NFATC1: variants seen among roughly 807,000 people sequenced by gnomAD.
NFATC1 encodes the protein nuclear factor of activated T-cells, cytoplasmic 1.
NFATC1 carries 22 observed loss-of-function variants against 76.0 expected under a neutral mutation model. That is an observed-to-expected ratio of 0.29 (90% CI 0.21 to 0.41). NFATC1 has a LOEUF of 0.41. Ranked by LOEUF, NFATC1 falls within the 10% of genes least tolerant of loss-of-function variation. The pLI, the probability that NFATC1 is intolerant of heterozygous loss-of-function variation, is 1.00. For synonymous variants in NFATC1, 704 were observed against 613.1 expected, an observed-to-expected ratio of 1.15 and a Z score of -2.19; for missense variants, 1,357 against 1,337.7, an observed-to-expected ratio of 1.01 and a Z score of -0.23.
intron 8 of NFATC1, among the ~76,000 whole-genome samples, chr18:79,475,013 TAAACC>T: frequency 7.3e-6 from 1 of 136,766 alleles, no homozygotes; most frequent in African/African-American, 3.0e-5. Context: ...GCTGTCGACG[TAAACC>T]TGAGGGAAGC....
intron 8 of NFATC1, among the ~76,000 whole-genome samples, chr18:79,479,886 C>T (rs1003783947): frequency 6.6e-6 from 1 of 152,242 alleles, no homozygotes; most frequent in Admixed American, 6.5e-5. Flanking sequence ...CTCAGAGCAG[C>T]TGGGATGGCA....
chr18:79,495,596 C>T (rs777971673), intron 9 of NFATC1, among the ~76,000 whole-genome samples: 10 of 152,338 alleles, frequency 6.6e-5, no homozygotes, highest in East Asian at 5.8e-4. Flanking sequence ...AGAGCTTGGG[C>T]AATGAGCACT....
Position 79,528,182 on chromosome 18 carries a change from C to T in NFATC1, c.*605C>T, listed in dbSNP as rs1482994952. The T allele has an allele frequency of 5.3e-6, 2 of 374,132 alleles. No individual in the cohort carries two copies. Among genetic ancestry groups the T allele is most frequent in the African/African-American group, 4.2e-5 (2 of 48,156 alleles). 23.2% of individuals were successfully genotyped at this position (374,132 alleles called of 1,614,324 possible). A position where few individuals can be genotyped will look rare whatever the true frequency, so the allele number is the denominator to read the frequency against. ...ATTTTAGAATCTTCCAGTCTGTCATCTCAGCTCTTTTGTAACATGCTTCCC... is the reference window on the plus strand; with the variant it reads ...ATTTTAGAATCTTCCAGTCTGTCATTTCAGCTCTTTTGTAACATGCTTCCC... On this transcript the variant is annotated 3_prime_UTR_variant, in exon 10 of 10. Transcript: ENST00000427363.
chr18:79,444,239 C>T (rs1283781156), intron 3 of NFATC1, among the ~76,000 whole-genome samples: 2 of 152,112 alleles, frequency 1.3e-5, no homozygotes, highest in African/African-American at 2.4e-5. Flanking sequence ...GGGGTGTGCA[C>T]ATTTCCCAGT....
intron 8 of NFATC1, among the ~76,000 whole-genome samples, chr18:79,484,090 G>A (rs755906400): frequency 2.6e-5 from 4 of 151,334 alleles, no homozygotes; most frequent in East Asian, 1.9e-4. Flanking sequence ...TGACCTCGGC[G>A]GCACTTGCAG....
rs746544878 is a variant in NFATC1, at chr18:79,486,268, C to G, written c.2113C>G (p.Pro705Ala). Residue 705 changes from proline (P) to alanine (A), a missense_variant, in exon 9 of 10, where the codon CCC (proline) becomes GCC (alanine). Coordinates refer to ENST00000427363, the MANE Select transcript of NFATC1 (RefSeq NM_001278669.2). ...PANVPIIKTE[P>A]TDDYEPAPTC... is the part of the protein sequence containing the mutation. ...CACAGTTCCAATTATAAAAACAGAACCCACTGATGATTATGAGCCTGCTCC... is the reference window on the plus strand; with the variant it reads ...CACAGTTCCAATTATAAAAACAGAAGCCACTGATGATTATGAGCCTGCTCC... 2 of 1,607,606 alleles carry G rather than the reference C, an allele frequency of 1.2e-6. No homozygotes were observed. The highest frequency in any genetic ancestry group is 1.7e-6 in the Non-Finnish European group (2 of 1,175,840).
rs1248663180 is a variant in NFATC1 at position 79,400,876 on chromosome 18, C to T, written c.127+4525C>T. 1.4e-3 allele frequency among the ~76,000 whole-genome samples: 2 copies of T among 1,468 alleles called. 1 individual carries two copies. Among genetic ancestry groups the T allele is most frequent in the Non-Finnish European group, 2.4e-3 (2 of 844 alleles). 1.0% of individuals were successfully genotyped at this position (1,468 alleles called of 152,430 possible). The stretch of plus-strand genomic sequence containing the variant: ...CCCGACCTCCGCCTCAGCCATCCTC[C>T]TCCCTCCCCCCAGCCACCCTCCCCC... On this transcript the variant is annotated intron_variant, in intron 1 of 9. Coordinates refer to ENST00000427363, the MANE Select transcript of NFATC1 (RefSeq NM_001278669.2).
intron 3 of NFATC1, among the ~76,000 whole-genome samples, chr18:79,438,102 G>A (rs1020799499): frequency 7.9e-5 from 12 of 152,202 alleles, no homozygotes; most frequent in African/African-American, 1.4e-4. Flanking sequence ...CCTGGAGTCC[G>A]GCTCCCCGCT....
chr18:79,467,835 T>C, intron 8 of NFATC1: 1 of 1,171,600 alleles, frequency 8.5e-7, no homozygotes. Flanking sequence ...GTTATTTTGC[T>C]TCTTGCGAAT....
intron 9 of NFATC1, among the ~76,000 whole-genome samples, chr18:79,503,074 G>T (rs1373925560): frequency 6.6e-6 from 1 of 152,226 alleles, no homozygotes; most frequent in East Asian, 1.9e-4. Flanking sequence ...ACAATGCCCA[G>T]CATGTGGGGA....
chr18:79,486,866 C>T lies in NFATC1; in HGVS notation c.2711C>T (p.Pro904Leu), dbSNP rs942912420. 5.0e-6 allele frequency: 8 copies of T among 1,611,656 alleles called. No homozygotes were observed. The highest frequency in any genetic ancestry group is 1.7e-5 in the Admixed American group (1 of 59,942). Residue 904 changes from proline to leucine, a missense_variant, in exon 9 of 10, where the codon CCT becomes CTT. This residue lies in a region of NFATC1 where 424 missense variants were observed against 395.4 expected (regional missense o/e 1.07). Coordinates refer to ENST00000427363, the MANE Select transcript of NFATC1 (RefSeq NM_001278669.2). ...CCAGAGGTGCATGAGGACGGTAGTC[C>T]TAATTTGGCCCCTATTCCTGTAACG... ...LLPEVHEDGS[P>L]NLAPIPVTVK...
chr18:79,486,393 C>G lies in NFATC1; in HGVS notation c.2238C>G (p.Ala746=). ...CCGACCCCAGCTCCTGCCTCGTGGC[C>G]GGCTTCCCGCCCTGTCCGCAGAGAA... ...MPPDPSSCLV[A]GFPPCPQRST... is the part of the protein sequence containing the mutation. The change falls in exon 9 of 10, where the codon GCC becomes GCG. Residue 746 remains alanine, a synonymous_variant. Transcript: ENST00000427363. 1 of 1,612,908 alleles carries G rather than the reference C, an allele frequency of 6.2e-7. No individual in the cohort carries two copies. Among genetic ancestry groups the G allele is most frequent in the South Asian group, 1.1e-5 (1 of 91,084 alleles).
intron 9 of NFATC1, among the ~76,000 whole-genome samples, chr18:79,502,454 A>G (rs879626446): frequency 7.9e-5 from 12 of 152,258 alleles, no homozygotes; most frequent in Non-Finnish European, 1.3e-4. Context: ...AGCACAGCTC[A>G]TAAAATAAAA....
At chr18:79,419,974 C>T (rs2086016091) in intron 2 of NFATC1, among the ~76,000 whole-genome samples, 1 of 152,242 alleles carries the variant, frequency 6.6e-6, no homozygotes, top group Non-Finnish European at 1.5e-5. Context: ...ATAAGTGCTT[C>T]TAGAACATCT....
rs1313575202 is a variant in NFATC1, at chr18:79,410,795, G to A, written c.520G>A (p.Ala174Thr). ...AYRDPSCLSP[A>T]SSLSSRSCNS... ...CAGAGACCCCTCGTGCCTGAGCCCG[G>A]CCAGCAGCCTGTCCTCCCGGAGCTG... The change falls in exon 2 of 10, where the codon GCC becomes ACC. Residue 174 changes from alanine (A) to threonine (T), a missense_variant. This residue lies in a region of NFATC1 where 691 missense variants were observed against 613.1 expected (regional missense o/e 1.13). Coordinates refer to ENST00000427363, the MANE Select transcript of NFATC1 (RefSeq NM_001278669.2). The surrounding 1 kb of genome is among the most constrained non-coding windows in gnomAD (Gnocchi z 6.7). The A allele has an allele frequency of 1.9e-6, 3 of 1,612,660 alleles. No individual in the cohort carries two copies. The highest frequency in any genetic ancestry group is 2.5e-6 in the Non-Finnish European group (3 of 1,179,886).
chr18:79,457,297 A>G (rs576847563), intron 6 of NFATC1, among the ~76,000 whole-genome samples: 44 of 152,250 alleles, frequency 2.9e-4, no homozygotes, highest in African/African-American at 1.1e-3. Context: ...AGTGGCCCAG[A>G]TGGTCCAGGA....
chr18:79,448,666 GGGGCA>G (rs2087320715), intron 3 of NFATC1, 111 bp from the exon 4 acceptor site: 2 of 925,172 alleles, frequency 2.2e-6, no homozygotes, highest in Non-Finnish European at 3.3e-6. Context: ...AAATAAAAAG[GGGGCA>G]GGGCAGGGGG....
At chr18:79,485,197 C>G (rs2089459001) in intron 8 of NFATC1, among the ~76,000 whole-genome samples, 1 of 152,210 alleles carries the variant, frequency 6.6e-6, no homozygotes, top group Non-Finnish European at 1.5e-5. Flanking sequence ...TGCCAAAAAC[C>G]CACCAGTGTG....
At chr18:79,516,144 A>G (rs2090377179) in intron 9 of NFATC1, 2 of 152,032 alleles carry the variant, frequency 1.3e-5, no homozygotes, top group Admixed American at 6.5e-5. Flanking sequence ...AAGGTAGGAA[A>G]ATTATTCTGT....
Sources: gnomAD v4.1 joint callset for allele counts (sites outside exome capture counted in the v4.1 genomes callset) on GRCh38, gnomAD v4.1.1 for gene constraint, gnomAD v4.1.1 regional missense constraint, Gnocchi (gnomAD v3.1) non-coding constraint, MANE v1.5 for transcripts, NCBI Gene and HGNC (gene_info 2026-07-23, HGNC 2026-07-21) for gene names.